The following DHX32 variants were observed in gnomAD, a reference collection of about 807,000 sequenced individuals.
DHX32 encodes putative pre-mRNA-splicing factor ATP-dependent RNA helicase DHX32.
DHX32 carries 51 observed loss-of-function variants against 70.0 expected under a neutral mutation model. That is an observed-to-expected ratio of 0.73 (90% CI 0.58 to 0.92). The LOEUF (loss-of-function observed/expected upper bound fraction) is 0.92, where lower values mean the gene tolerates loss of function less well. Ranked by LOEUF, DHX32 falls within the 40% of genes least tolerant of loss-of-function variation. DHX32 has a pLI of 0.00. For missense variants in DHX32, 762 were observed against 891.8 expected (o/e 0.85, Z 1.85); for synonymous variants, 310 against 315.3 (o/e 0.98, Z 0.18).
At position 125,841,943 on chromosome 10, in the gene DHX32, G is replaced by A. The variant is rs1288685825; in HGVS notation, c.1352-9C>T. On this transcript the variant is annotated splice_polypyrimidine_tract_variant and intron_variant, in intron 6 of 10. Coordinates refer to ENST00000284690, the MANE Select transcript of DHX32 (RefSeq NM_018180.3). ...CATCAAACTTTCTGGTGCTAGGAAA[G>A]GAAAAAAATAATAATTTAAGAGTCT... 3.2e-6 allele frequency: 5 copies of A among 1,570,700 alleles called. No homozygotes were observed. The Admixed American group carries it at 6.0e-5, about 19-fold the overall frequency.
In DHX32 at chr10:125,859,922, C is replaced by T; in HGVS notation, c.530G>A (p.Gly177Asp). The T allele has an allele frequency of 6.2e-7, 1 of 1,607,196 alleles. No individual in the cohort carries two copies. The highest frequency in any genetic ancestry group is 8.5e-7 in the Non-Finnish European group (1 of 1,177,982). The change falls in exon 3 of 11, where the codon GGT (glycine) becomes GAT (aspartate). Residue 177 changes from glycine (G) to aspartate (D), a missense_variant. Coordinates refer to ENST00000284690, the MANE Select transcript of DHX32 (RefSeq NM_018180.3). Reference protein sequence around the residue: ...QREMMSNPFLGSYGVIILDDI... With the variant: ...QREMMSNPFLDSYGVIILDDI... ...ATCTAAGATGATGACCCCATAGCTA[C>T]CCAAAAAAGGATTGGACATCATTTC...
chr10:125,892,221 T>G (rs1158036398), intron 1 of DHX32, among the ~76,000 whole-genome samples: 1 of 152,280 alleles, frequency 6.6e-6, no homozygotes, highest in African/African-American at 2.4e-5. Context: ...ATCTGCCAAT[T>G]CTACCTTTTT....
intron 3 of DHX32, 195 bp from the exon 4 acceptor site, chr10:125,854,398 A>G (rs968381018): frequency 2.3e-6 from 1 of 427,198 alleles, no homozygotes; most frequent in Non-Finnish European, 4.0e-6. Flanking sequence ...GGGGAAGTTA[A>G]ATATAATTTA....
chr10:125,868,995 C>T (rs1277626493), intron 1 of DHX32, among the ~76,000 whole-genome samples: 3 of 151,970 alleles, frequency 2.0e-5, no homozygotes, highest in African/African-American at 4.8e-5. Flanking sequence ...GTGTTGGTCA[C>T]CAAATTATCC....
chr10:125,856,354 A>G (rs534865789), intron 3 of DHX32, among the ~76,000 whole-genome samples: 1 of 152,358 alleles, frequency 6.6e-6, no homozygotes, highest in African/African-American at 2.4e-5. Flanking sequence ...ATTACTGTAC[A>G]GTAATCTGGC....
At chr10:125,876,840 C>A (rs921058371) in intron 1 of DHX32, among the ~76,000 whole-genome samples, 9 of 152,064 alleles carry the variant, frequency 5.9e-5, no homozygotes, top group African/African-American at 2.2e-4. Context: ...TAAAGGCTAT[C>A]AATGGGAAAC....
intron 10 of DHX32, among the ~76,000 whole-genome samples, chr10:125,837,738 T>C (rs1388238932): frequency 6.6e-6 from 1 of 152,208 alleles, no homozygotes; most frequent in Non-Finnish European, 1.5e-5. Context: ...GAGAAGATGC[T>C]ACTCTTGCTT....
In DHX32 at chr10:125,859,948, T is replaced by C; in HGVS notation, c.504A>G (p.Arg168=). Residue 168 remains arginine, a synonymous_variant, in exon 3 of 11, where the codon AGA becomes AGG. Transcript: ENST00000284690. ...CCAAAAAAGGATTGGACATCATTTC[T>C]CTTTGCAGCATATCATCAGTACAAT... ...LRYCTDDMLQ[R]EMMSNPFLGS... The C allele has an allele frequency of 6.2e-7, 1 of 1,607,006 alleles. No homozygotes were observed. The highest frequency in any genetic ancestry group is 8.5e-7 in the Non-Finnish European group (1 of 1,177,002).
At position 125,839,009 on chromosome 10, in the gene DHX32, A is replaced by C; in HGVS notation, c.1873T>G (p.Phe625Val). ...ACCCCACCCCTTCTCACCTGCATAA[A>C]GTAACCGGACAGAAGAGCTTTCTTT... is the stretch of plus-strand genomic sequence containing the variant. The part of the protein sequence containing the change: ...NIKKALLSGY[F>V]MQIARDVDGS... The change falls in exon 9 of 11, where the codon TTT becomes GTT. Residue 625 changes from phenylalanine (F) to valine (V), a missense_variant. Phe to Val is a conservative substitution (Grantham distance 50, BLOSUM62 -1). Around this residue, in one of 3 missense-constraint regions of DHX32, gnomAD observed 366 missense variants for 402.6 expected, o/e 0.91. Coordinates refer to ENST00000284690, the MANE Select transcript of DHX32 (RefSeq NM_018180.3). The C allele has an allele frequency of 6.2e-7, 1 of 1,613,796 alleles. No homozygotes were observed. The highest frequency in any genetic ancestry group is 1.7e-4 in the Middle Eastern group (1 of 6,056).
intron 2 of DHX32, among the ~76,000 whole-genome samples, chr10:125,864,960 AAAAAAAAG>A: frequency 6.8e-6 from 1 of 146,336 alleles, no homozygotes; most frequent in African/African-American, 2.6e-5. Context: ...AAAAAAAAAA[AAAAAAAAG>A]AAAGAAAAAG....
chr10:125,867,604 C>T lies in DHX32; in HGVS notation c.283-421G>A, dbSNP rs554786359. Reference sequence around the variant, plus strand: ...ACAAAAAATTAGCTAGGCGTGGTGGCGGGCGCCTGTAGTCTCAGCTACTTG... The same window carrying T: ...ACAAAAAATTAGCTAGGCGTGGTGGTGGGCGCCTGTAGTCTCAGCTACTTG... On this transcript the variant is annotated intron_variant, in intron 1 of 10. Transcript: ENST00000284690. Among the ~76,000 whole-genome samples the T allele has an allele frequency of 2.9e-3, 442 of 152,052 alleles. 2 individuals are homozygous for T. The highest frequency in any genetic ancestry group is 0.012 in the East Asian group (63 of 5,146).
In DHX32 at chr10:125,866,934, G is replaced by A; in HGVS notation, c.476+56C>T. On this transcript the variant is annotated intron_variant, in intron 2 of 10. Transcript: ENST00000284690. This position sits in a 1 kb window ranked among gnomAD's most constrained non-coding sequence, Gnocchi z 4.8. ...GCCAGAATAATGCTCCTTCAGAATT[G>A]TAGAACCTAAGCCAAGAATCATCAG... 6.5e-7 allele frequency: 1 copy of A among 1,546,336 alleles called. No individual in the cohort carries two copies. The highest frequency in any genetic ancestry group is 1.2e-5 in the South Asian group (1 of 82,420).
chr10:125,852,000 T>TA (rs1045886764), intron 6 of DHX32, among the ~76,000 whole-genome samples: 1 of 151,956 alleles, frequency 6.6e-6, no homozygotes, highest in African/African-American at 2.4e-5. Context: ...GATTCACCCT[T>TA]ACGCTTCCAT....
At position 125,873,417 on chromosome 10, in the gene DHX32, C is replaced by T. The variant is rs570876476; in HGVS notation, c.283-6234G>A. On this transcript the variant is annotated intron_variant, in intron 1 of 10. Coordinates refer to ENST00000284690, the MANE Select transcript of DHX32 (RefSeq NM_018180.3). Reference sequence around the variant, plus strand: ...AATCCCTCACTTTTGATCATCAGGACGTCCATCAGGGCCTGAGTCCTCTTC... The same window carrying T: ...AATCCCTCACTTTTGATCATCAGGATGTCCATCAGGGCCTGAGTCCTCTTC... Among the ~76,000 whole-genome samples, 10 of 152,272 alleles carry T rather than the reference C, an allele frequency of 6.6e-5. No homozygotes were observed. The South Asian group carries it at 1.7e-3, about 25-fold the overall frequency.
intron 2 of DHX32, among the ~76,000 whole-genome samples, chr10:125,865,223 G>A (rs774008962): frequency 6.6e-6 from 1 of 152,146 alleles, no homozygotes; most frequent in African/African-American, 2.4e-5. Context: ...AGGGTCCTAT[G>A]TCTTGTCCTG....
At chr10:125,879,390 C>T (rs1315044987) in intron 1 of DHX32, among the ~76,000 whole-genome samples, 1 of 152,110 alleles carries the variant, frequency 6.6e-6, no homozygotes, top group Non-Finnish European at 1.5e-5. Flanking sequence ...AATGACAGAG[C>T]TCTAGAAGGT....
upstream of DHX32, among the ~76,000 whole-genome samples, chr10:125,886,167 G>T (rs1212193088): frequency 3.9e-5 from 6 of 152,240 alleles, no homozygotes; most frequent in Non-Finnish European, 8.8e-5. Flanking sequence ...CCTTCTGTAT[G>T]TCTGAAATGT....
intron 1 of DHX32, among the ~76,000 whole-genome samples, chr10:125,867,716 A>G (rs1450121293): frequency 6.7e-6 from 1 of 149,972 alleles, no homozygotes; most frequent in Non-Finnish European, 1.5e-5. Flanking sequence ...AGCCTGGGCG[A>G]CAGAGCAAGA....
At chr10:125,871,865 T>G (rs1454876096) in intron 1 of DHX32, among the ~76,000 whole-genome samples, 1 of 59,000 alleles carries the variant, frequency 1.7e-5, no homozygotes, top group Non-Finnish European at 4.7e-5. Context: ...TTCTTTTCTT[T>G]TTTTTTTTTT....
Sources: gnomAD v4.1 joint callset for allele counts (sites outside exome capture counted in the v4.1 genomes callset) on GRCh38, gnomAD v4.1.1 for gene constraint, gnomAD v4.1.1 regional missense constraint, Gnocchi (gnomAD v3.1) non-coding constraint, MANE v1.5 for transcripts, NCBI Gene and HGNC (gene_info 2026-07-23, HGNC 2026-07-21) for gene names.